The following UNC80 variants were observed in gnomAD, a reference collection of about 807,000 sequenced individuals.
The protein encoded by UNC80 is unc-80 subunit of NALCN channel complex.
Under a neutral mutation model 384.6 loss-of-function variants are expected in UNC80, and 164 were observed. The observed-to-expected ratio is 0.43, with a 90% CI of 0.38 to 0.49. The LOEUF (loss-of-function observed/expected upper bound fraction) is 0.49. Ranked by LOEUF, UNC80 falls within the 20% of genes least tolerant of loss-of-function variation. UNC80 has a pLI of 0.00. For synonymous variants in UNC80, 1,486 were observed against 1,527.8 expected, an observed-to-expected ratio of 0.97 and a Z score of 0.64; for missense variants, 3,330 against 4,143.0, an observed-to-expected ratio of 0.80 and a Z score of 5.39.
chr2:209,861,030 T>C (rs1173484627), intron 22 of UNC80, among the ~76,000 whole-genome samples: 1 of 152,222 alleles, frequency 6.6e-6, no homozygotes, highest in East Asian at 1.9e-4. Flanking sequence ...CCTATTTTAA[T>C]ACCCCTTATT....
At chr2:209,791,380 G>A (rs1288766695) in intron 6 of UNC80, among the ~76,000 whole-genome samples, 1 of 150,936 alleles carries the variant, frequency 6.6e-6, no homozygotes, top group Non-Finnish European at 1.5e-5. Flanking sequence ...TGTTTTTTTT[G>A]TGCCTCCCAC....
At chr2:209,852,540 A>G (rs967847601) in intron 22 of UNC80, among the ~76,000 whole-genome samples, 1 of 152,126 alleles carries the variant, frequency 6.6e-6, no homozygotes. Context: ...ACCCCAAATA[A>G]GGACACACTT....
Position 209,982,205 on chromosome 2 carries a change from G to A in UNC80, c.9145G>A (p.Val3049Ile). 1.9e-6 allele frequency: 3 copies of A among 1,551,564 alleles called. No homozygotes were observed. Among genetic ancestry groups the A allele is most frequent in the Non-Finnish European group, 2.6e-6 (3 of 1,146,954 alleles). The change falls in exon 60 of 65, where the codon GTA becomes ATA. Residue 3049 changes from valine to isoleucine, a missense_variant. Physicochemically the swap from Val to Ile is conservative, Grantham distance 29. Coordinates refer to ENST00000673920, the MANE Select transcript of UNC80 (RefSeq NM_001371986.1). ...ENDSISMPSV[V>I]SEQEAYLLSA... ...TGACTCTATAAGCATGCCCAGCGTG[G>A]TAAGTGAACAAGAAGCTTACCTCCT...
intron 7 of UNC80, among the ~76,000 whole-genome samples, chr2:209,800,510 C>T (rs1186056821): frequency 6.6e-6 from 1 of 150,554 alleles, no homozygotes; most frequent in Non-Finnish European, 1.5e-5. Flanking sequence ...AAAAACAGCT[C>T]CTGGATTTGT....
intron 48 of UNC80, among the ~76,000 whole-genome samples, chr2:209,955,995 C>T (rs571381667): frequency 5.7e-4 from 87 of 151,890 alleles, no homozygotes; most frequent in African/African-American, 2.0e-3. Context: ...CCACCCACCT[C>T]GGCCTCCTAA....
chr2:209,819,025 A>G lies in UNC80; in HGVS notation c.1726A>G (p.Thr576Ala), dbSNP rs1051926956. The change falls in exon 12 of 65, where the codon ACC (threonine) becomes GCC (alanine). Residue 576 changes from threonine to alanine, a missense_variant. Physicochemically the swap from Thr to Ala is moderately conservative, Grantham distance 58 (BLOSUM62 0). This residue lies in a region of UNC80 where 937 missense variants were observed against 1,026.8 expected (regional missense o/e 0.91). Coordinates refer to ENST00000673920, the MANE Select transcript of UNC80 (RefSeq NM_001371986.1). ...TCAGATCTCCACCATCACAGTTGCG[A>G]CCTTCAATACCACTTTGGCGTCATT... ...RSQISTITVATFNTTLASFNV... is the reference protein window; with the variant it reads ...RSQISTITVAAFNTTLASFNV... The G allele has an allele frequency of 6.4e-7, 1 of 1,551,656 alleles. No homozygotes were observed. Among genetic ancestry groups the G allele is most frequent in the Non-Finnish European group, 8.7e-7 (1 of 1,147,006 alleles).
intron 21 of UNC80, 89 bp downstream of exon 21, chr2:209,842,535 C>A: frequency 1.0e-6 from 1 of 953,912 alleles, no homozygotes; most frequent in Non-Finnish European, 1.6e-6. Context: ...TTTCTATTTT[C>A]ATTGGTTTTT....
At position 209,869,947 on chromosome 2, in the gene UNC80, T is replaced by C. The variant is rs564869683; in HGVS notation, c.3628-2811T>C. ...GGCTTCTTAAGCAACTAAAGTAATT[T>C]TTCAGCAATATATTTTTAAGAATTC... On this transcript the variant is annotated intron_variant, in intron 22 of 64. Transcript: ENST00000673920. Among the ~76,000 whole-genome samples the C allele has an allele frequency of 1.1e-4, 16 of 152,270 alleles. No individual in the cohort carries two copies. The South Asian group carries it at 3.3e-3, about 32-fold the overall frequency.
chr2:209,790,067 G>T (rs559748953), intron 6 of UNC80, among the ~76,000 whole-genome samples: 2 of 152,124 alleles, frequency 1.3e-5, no homozygotes, highest in East Asian at 3.9e-4. Flanking sequence ...ACCCCTTAAG[G>T]AATCTAAAGT....
chr2:209,793,255 G>A (rs1381358348), intron 6 of UNC80, among the ~76,000 whole-genome samples: 6 of 152,174 alleles, frequency 3.9e-5, no homozygotes, highest in African/African-American at 1.4e-4. Flanking sequence ...TTAGAAAAGT[G>A]TATTGCATCT....
chr2:209,818,259 G>A (rs148503078), intron 11 of UNC80, among the ~76,000 whole-genome samples: 1,900 of 152,108 alleles, frequency 0.012, 43 homozygotes, highest in African/African-American at 0.042. Flanking sequence ...TCAGTGCTTC[G>A]ATTCCCTCTA....
intron 22 of UNC80, among the ~76,000 whole-genome samples, chr2:209,867,000 G>C (rs990733896): frequency 2.7e-4 from 41 of 152,194 alleles, no homozygotes; most frequent in Admixed American, 2.6e-3. Context: ...AGGATAACTG[G>C]AATATCCAAC....
chr2:209,903,655 T>C (rs564228772), intron 28 of UNC80, among the ~76,000 whole-genome samples: 1 of 122,448 alleles, frequency 8.2e-6, no homozygotes, highest in African/African-American at 3.1e-5. Context: ...ATATGTAATA[T>C]ATATATACTA....
At chr2:209,904,219 A>T (rs1329106512) in intron 28 of UNC80, among the ~76,000 whole-genome samples, 1 of 152,238 alleles carries the variant, frequency 6.6e-6, no homozygotes, top group East Asian at 1.9e-4. Context: ...GAAAAATATC[A>T]CTTTGCAGAG....
chr2:209,995,519 T>C lies in UNC80; in HGVS notation c.9899T>C (p.Leu3300Pro). 1.3e-6 allele frequency: 2 copies of C among 1,551,956 alleles called. No individual in the cohort carries two copies. The highest frequency in any genetic ancestry group is 1.7e-6 in the Non-Finnish European group (2 of 1,147,052). ...GAGGAAAATGGCATGGAGAACCCGC[T>C]ACTATCTAGTCAGTTCACCTTTACT... ...ISEENGMENP[L>P]LSSQFTFTPT... Residue 3300 changes from leucine to proline, a missense_variant, in exon 65 of 65, where the codon CTA (leucine) becomes CCA (proline). By Grantham distance (98) the Leu-to-Pro change is moderately conservative. Coordinates refer to ENST00000673920, the MANE Select transcript of UNC80 (RefSeq NM_001371986.1).
intron 18 of UNC80, among the ~76,000 whole-genome samples, chr2:209,836,358 T>C (rs2081335932): frequency 6.6e-6 from 1 of 151,872 alleles, no homozygotes; most frequent in Non-Finnish European, 1.5e-5. Context: ...TTTTTTTTTC[T>C]TTTCAAATAA....
intron 54 of UNC80, 68 bp from the exon 55 acceptor site, chr2:209,972,133 G>T: frequency 6.6e-7 from 1 of 1,521,320 alleles, no homozygotes; most frequent in Non-Finnish European, 8.8e-7. Context: ...CCATCATACT[G>T]TGTAAAAACA....
At position 209,820,376 on chromosome 2, in the gene UNC80, G is replaced by A. The variant is rs13432185; in HGVS notation, c.2028G>A (p.Ala676=). The A allele has an allele frequency of 0.022, 34,013 of 1,551,844 alleles. 2,746 individuals are homozygous for A. In the East Asian group the frequency reaches 0.23, roughly 10 times the overall value. ...TCAGCTCTCGTATCTGTGACGTGGC[G>A]CTAAACATTGTGGAATGCTTGCTTC... ...HDISSRICDV[A]LNIVECLLQL... The change falls in exon 13 of 65, where the codon GCG becomes GCA. Residue 676 remains alanine, a synonymous_variant. Transcript: ENST00000673920.
At chr2:209,985,950 A>AT (rs201529533) in intron 61 of UNC80, among the ~76,000 whole-genome samples, 10,107 of 149,564 alleles carry the variant, frequency 0.068, 1,108 homozygotes, top group African/African-American at 0.23. Flanking sequence ...CATCGGGTGT[A>AT]TTTTTTTTTT....
Sources: allele counts gnomAD v4.1 joint callset (sites outside exome capture counted in the v4.1 genomes callset), GRCh38; gene constraint gnomAD v4.1.1; regional missense constraint gnomAD v4.1.1; transcripts MANE v1.5; gene names NCBI Gene and HGNC (gene_info 2026-07-23, HGNC 2026-07-21).